The following DIS3L2 variants were observed in gnomAD, a reference collection of about 807,000 sequenced individuals.
The protein encoded by DIS3L2 is DIS3-like exonuclease 2.
In DIS3L2, 34 loss-of-function variants were observed where a neutral mutation model predicts 97.5. That is an observed-to-expected ratio of 0.35 (90% CI 0.27 to 0.46). The LOEUF (loss-of-function observed/expected upper bound fraction) is 0.46, where lower values mean the gene tolerates loss of function less well. Among genes scored for constraint, DIS3L2 ranks in the 20% least tolerant of loss-of-function variants. The pLI, the probability that DIS3L2 is intolerant of heterozygous loss-of-function variation, is 1.00. For missense variants in DIS3L2, 1,038 were observed against 1,146.0 expected (o/e 0.91, Z 1.36); for synonymous variants, 435 against 445.2 (o/e 0.98, Z 0.29).
intron 9 of DIS3L2, among the ~76,000 whole-genome samples, chr2:232,171,465 C>A (rs534490573): frequency 6.6e-6 from 1 of 152,238 alleles, no homozygotes; most frequent in African/African-American, 2.4e-5. Flanking sequence ...AAAATGGTAT[C>A]CCATCAGTGA....
At chr2:232,194,220 T>C (rs1691688704) in intron 9 of DIS3L2, among the ~76,000 whole-genome samples, 1 of 152,228 alleles carries the variant, frequency 6.6e-6, no homozygotes, top group Non-Finnish European at 1.5e-5. Context: ...TTAATGTATA[T>C]AGATATATAT....
intron 6 of DIS3L2, 148 bp from the exon 7 acceptor site, chr2:232,130,471 G>A (rs1698183660): frequency 2.4e-6 from 2 of 818,310 alleles, no homozygotes; most frequent in Non-Finnish European, 3.7e-6. Flanking sequence ...TATGTGACAG[G>A]TCCACTGGCG....
At chr2:232,241,243 A>G (rs758908245) in intron 11 of DIS3L2, among the ~76,000 whole-genome samples, 2 of 152,252 alleles carry the variant, frequency 1.3e-5, no homozygotes, top group Non-Finnish European at 2.9e-5. Context: ...GGTCTTCTGA[A>G]AAGCTGGATG....
chr2:232,240,265 A>G (rs944264336), intron 11 of DIS3L2, among the ~76,000 whole-genome samples: 1 of 152,182 alleles, frequency 6.6e-6, no homozygotes, highest in African/African-American at 2.4e-5. Context: ...GCTCCAGGAG[A>G]CTTGTACAGC....
chr2:232,190,586 GAGAGAGGA>G (rs1242509923), intron 9 of DIS3L2, among the ~76,000 whole-genome samples: 3 of 151,882 alleles, frequency 2.0e-5, no homozygotes, highest in African/African-American at 7.3e-5. Context: ...AAAGAAGAGA[GAGAGAGGA>G]AGAGAGGAAG....
chr2:232,333,755 C>CGAATCAGTT, intron 16 of DIS3L2, 85 bp from the exon 17 acceptor site: 21 of 1,488,956 alleles, frequency 1.4e-5, no homozygotes, highest in Middle Eastern at 1.8e-4. Flanking sequence ...TCGCTGCCGA[C>CGAATCAGTT]GGTGAGGCTG....
In DIS3L2 at chr2:232,249,320, A is replaced by T. The variant is rs1559174475; in HGVS notation, c.1399A>T (p.Ile467Phe). Reference protein sequence around the residue: ...PMSDKLTFSVIWTLTPEGKIL... With the variant: ...PMSDKLTFSVFWTLTPEGKIL... Reference sequence around the variant, plus strand: ...GTCCGACAAGCTGACCTTCTCTGTGATCTGGACACTGACTCCAGAGGGCAA... The same window carrying T: ...GTCCGACAAGCTGACCTTCTCTGTGTTCTGGACACTGACTCCAGAGGGCAA... Residue 467 changes from isoleucine to phenylalanine, a missense_variant, in exon 12 of 21, where the codon ATC (isoleucine) becomes TTC (phenylalanine). Physicochemically the swap from Ile to Phe is conservative, Grantham distance 21 (BLOSUM62 0). Transcript: ENST00000325385. The T allele has an allele frequency of 1.2e-6, 2 of 1,614,202 alleles. No individual in the cohort carries two copies. Among genetic ancestry groups the T allele is most frequent in the Non-Finnish European group, 1.7e-6 (2 of 1,180,042 alleles).
intron 8 of DIS3L2, among the ~76,000 whole-genome samples, chr2:232,162,323 C>G (rs957306515): frequency 1.3e-5 from 2 of 152,136 alleles, no homozygotes; most frequent in Non-Finnish European, 2.9e-5. Flanking sequence ...GGCGGGTGCA[C>G]AAGTAGACTG....
At chr2:232,256,886 G>A (rs1043575765) in intron 12 of DIS3L2, among the ~76,000 whole-genome samples, 3 of 152,184 alleles carry the variant, frequency 2.0e-5, no homozygotes, top group African/African-American at 4.8e-5. Flanking sequence ...GGGAGGCTGA[G>A]GTGGGCAGAT....
At chr2:232,248,186 C>T (rs1289667375) in intron 11 of DIS3L2, among the ~76,000 whole-genome samples, 3 of 151,654 alleles carry the variant, frequency 2.0e-5, no homozygotes, top group Non-Finnish European at 2.9e-5. Context: ...TGTTTCTGCC[C>T]GTAAAGAAAC....
intron 5 of DIS3L2, among the ~76,000 whole-genome samples, chr2:232,073,479 C>A (rs1475895204): frequency 6.6e-6 from 1 of 152,128 alleles, no homozygotes; most frequent in African/African-American, 2.4e-5. Flanking sequence ...CAACCCCCTG[C>A]CTAAGGAGAA....
Position 232,325,281 on chromosome 2 carries a change from G to A in DIS3L2, c.1740-4532G>A, listed in dbSNP as rs949829575. 2.0e-5 allele frequency among the ~76,000 whole-genome samples: 3 copies of A among 152,204 alleles called. No homozygotes were observed. The highest frequency in any genetic ancestry group is 2.1e-4 in the South Asian group (1 of 4,832). On this transcript the variant is annotated intron_variant, in intron 14 of 20. Coordinates refer to ENST00000325385, the MANE Select transcript of DIS3L2 (RefSeq NM_152383.5). This position sits in a 1 kb window ranked among gnomAD's most constrained non-coding sequence, Gnocchi z 4.6. ...GCACCTTCAGGGTGAAGGACGCCCTGTCGTAAACGCATGAAGAGCCCTGCG... is the reference window on the plus strand; with the variant it reads ...GCACCTTCAGGGTGAAGGACGCCCTATCGTAAACGCATGAAGAGCCCTGCG...
At chr2:232,177,015 C>A (rs1428333812) in intron 9 of DIS3L2, among the ~76,000 whole-genome samples, 96 of 136,330 alleles carry the variant, frequency 7.0e-4, no homozygotes, top group Admixed American at 1.2e-3. Context: ...TCCATGTGAT[C>A]TCATTGTTCA....
chr2:232,112,553 C>T (rs1053924954), intron 6 of DIS3L2, among the ~76,000 whole-genome samples: 7 of 152,082 alleles, frequency 4.6e-5, no homozygotes, highest in Non-Finnish European at 7.4e-5. Flanking sequence ...TGCTCTTGTC[C>T]CCAGGGCCTT....
downstream of DIS3L2, among the ~76,000 whole-genome samples, chr2:232,339,029 G>GT (rs1696052269): frequency 1.3e-5 from 2 of 152,220 alleles, no homozygotes; most frequent in South Asian, 4.1e-4. Flanking sequence ...CAGTGAGTGT[G>GT]TCCCTGCCCT....
In DIS3L2 at chr2:232,136,714, C is replaced by T. The variant is rs747141045; in HGVS notation, c.945C>T (p.Ala315=). The T allele has an allele frequency of 8.7e-6, 14 of 1,613,442 alleles. No individual in the cohort carries two copies. The Admixed American group carries it at 2.2e-4, about 25-fold the overall frequency. The change falls in exon 8 of 21, where the codon GCC becomes GCT. Residue 315 remains alanine (A), a synonymous_variant. Coordinates refer to ENST00000325385, the MANE Select transcript of DIS3L2 (RefSeq NM_152383.5). ...ACTGGAAGGAGGACTGCAATTTTGC[C>T]CTGGGGTAGGTGATCTCTGGTAGGA... ...IVDWKEDCNF[A]LGQLAKSLGQ...
intron 1 of DIS3L2, among the ~76,000 whole-genome samples, chr2:231,990,189 T>G (rs922182778): frequency 1.3e-5 from 2 of 152,154 alleles, no homozygotes; most frequent in Admixed American, 6.5e-5. Context: ...TTTTTTTTTT[T>G]TTAAAGATGA....
chr2:232,094,572 G>A (rs1306942834), intron 6 of DIS3L2, among the ~76,000 whole-genome samples: 1 of 151,928 alleles, frequency 6.6e-6, no homozygotes, highest in African/African-American at 2.4e-5. Flanking sequence ...AGAAAAATTA[G>A]CCAGTCATGG....
At chr2:231,969,232 G>A (rs1033104029) in intron 1 of DIS3L2, among the ~76,000 whole-genome samples, 4 of 150,522 alleles carry the variant, frequency 2.7e-5, no homozygotes, top group Non-Finnish European at 5.9e-5. Context: ...CTAGTATATA[G>A]AAATATGATT....
Sources: gnomAD v4.1 joint callset for allele counts (sites outside exome capture counted in the v4.1 genomes callset) on GRCh38, gnomAD v4.1.1 for gene constraint, Gnocchi (gnomAD v3.1) non-coding constraint, MANE v1.5 for transcripts, NCBI Gene and HGNC (gene_info 2026-07-23, HGNC 2026-07-21) for gene names.